ASCL3: variants seen among roughly 807,000 people sequenced by gnomAD.
The protein encoded by ASCL3 is achaete-scute homolog 3.
A neutral mutation model predicts 2.3 loss-of-function variants in ASCL3; 1 was observed. The observed-to-expected ratio is 0.44, with a 90% CI of 0.16 to 2.10. ASCL3 has a LOEUF of 2.10. Ranked by LOEUF, ASCL3 falls within the 30% of genes most tolerant of loss-of-function variation. The probability of loss-of-function intolerance (pLI) is 0.28; values close to 1 mark genes in which losing one functional copy is unlikely to be tolerated. For synonymous variants in ASCL3, 98 were observed against 88.5 expected (o/e 1.11, Z -0.60); for missense variants, 243 against 229.0 (o/e 1.06, Z -0.40).
At position 8,938,007 on chromosome 11, in the gene ASCL3, T is replaced by G. The variant is rs1025835100; in HGVS notation, c.155A>C (p.Glu52Ala). The change falls in exon 2 of 2, where the codon GAG becomes GCG. Residue 52 changes from glutamate (E) to alanine (A), a missense_variant. Glu to Ala is a moderately radical substitution (Grantham distance 107). Coordinates refer to ENST00000531618, the MANE Select transcript of ASCL3 (RefSeq NM_020646.3). ...EAPVSSPYSE[E>A]LPRLPFPSDS... ...GCTGGGAAAAGGCAGCCGTGGCAGC[T>G]CCTCAGAGTAAGGGGATGACACCGG... The G allele has an allele frequency of 3.1e-6, 5 of 1,613,732 alleles. No homozygotes were observed. In the African/African-American group the frequency reaches 6.7e-5, roughly 22 times the overall value.
Position 8,938,111 on chromosome 11 carries a change from G to A in ASCL3, c.51C>T (p.Phe17=), listed in dbSNP as rs753137271. ...NSSLPDKLPI[F]PDSARLPLTR... ...TCAGTGGCAAGCGGGCAGAATCAGGGAAGATAGGAAGTTTGTCAGGTAGAC... is the reference window on the plus strand; with the variant it reads ...TCAGTGGCAAGCGGGCAGAATCAGGAAAGATAGGAAGTTTGTCAGGTAGAC... Residue 17 remains phenylalanine (F), a synonymous_variant, in exon 2 of 2, where the codon TTC becomes TTT. Coordinates refer to ENST00000531618, the MANE Select transcript of ASCL3 (RefSeq NM_020646.3). 3 of 1,612,230 alleles carry A rather than the reference G, an allele frequency of 1.9e-6. No individual in the cohort carries two copies. The highest frequency in any genetic ancestry group is 1.7e-5 in the Admixed American group (1 of 59,840).
At position 8,938,006 on chromosome 11, in the gene ASCL3, C is replaced by T; in HGVS notation, c.156G>A (p.Glu52=). The T allele has an allele frequency of 6.2e-7, 1 of 1,613,838 alleles. No homozygotes were observed. The highest frequency in any genetic ancestry group is 8.5e-7 in the Non-Finnish European group (1 of 1,179,888). ...EAPVSSPYSE[E]LPRLPFPSDS... ...CGCTGGGAAAAGGCAGCCGTGGCAG[C>T]TCCTCAGAGTAAGGGGATGACACCG... Residue 52 remains glutamate, a synonymous_variant, in exon 2 of 2, where the codon GAG becomes GAA. Coordinates refer to ENST00000531618, the MANE Select transcript of ASCL3 (RefSeq NM_020646.3).
At chr11:8,942,792 T>C (rs1054483781) in intron 1 of ASCL3, among the ~76,000 whole-genome samples, 194 bp downstream of exon 1, 1 of 152,182 alleles carries the variant, frequency 6.6e-6, no homozygotes, top group Non-Finnish European at 1.5e-5. Flanking sequence ...TCAAAACTCC[T>C]TCTGCTCTTC....
Position 8,937,770 on chromosome 11 carries a change from T to G in ASCL3, c.392A>C (p.Lys131Thr). 1.2e-6 allele frequency: 2 copies of G among 1,614,102 alleles called. No homozygotes were observed. Among genetic ancestry groups the G allele is most frequent in the Non-Finnish European group, 1.7e-6 (2 of 1,179,982 alleles). The change falls in exon 2 of 2, where the codon AAA becomes ACA. Residue 131 changes from lysine (K) to threonine (T), a missense_variant. Coordinates refer to ENST00000531618, the MANE Select transcript of ASCL3 (RefSeq NM_020646.3). ...GATCGCAGCTCTGAGGGTTTCCACTTTGCTGAGTCGCTTCTCCAAATACTC... is the reference window on the plus strand; with the variant it reads ...GATCGCAGCTCTGAGGGTTTCCACTGTGCTGAGTCGCTTCTCCAAATACTC... ...PEEYLEKRLSKVETLRAAIKY... is the reference protein window; with the variant it reads ...PEEYLEKRLSTVETLRAAIKY...
At chr11:8,939,269 C>T (rs1246365412) in intron 1 of ASCL3, among the ~76,000 whole-genome samples, 2 of 151,862 alleles carry the variant, frequency 1.3e-5, no homozygotes, top group East Asian at 1.9e-4. Flanking sequence ...GACAGAGTCT[C>T]GCGTTGTTGC....
intron 1 of ASCL3, among the ~76,000 whole-genome samples, chr11:8,941,912 G>T (rs535479307): frequency 6.6e-6 from 1 of 152,208 alleles, no homozygotes; most frequent in African/African-American, 2.4e-5. Context: ...AATGGGTGTG[G>T]AGCCCGTATT....
In ASCL3 at chr11:8,937,797, T is replaced by C; in HGVS notation, c.365A>G (p.Glu122Gly). 6.2e-7 allele frequency: 1 copy of C among 1,614,104 alleles called. No individual in the cohort carries two copies. Among genetic ancestry groups the C allele is most frequent in the Non-Finnish European group, 8.5e-7 (1 of 1,179,998 alleles). ...GYAQLRHHLP[E>G]EYLEKRLSKV... ...GCTGAGTCGCTTCTCCAAATACTCCTCTGGCAGATGATGGCGGAGCTGGGC... is the reference window on the plus strand; with the variant it reads ...GCTGAGTCGCTTCTCCAAATACTCCCCTGGCAGATGATGGCGGAGCTGGGC... Residue 122 changes from glutamate (E) to glycine (G), a missense_variant, in exon 2 of 2, where the codon GAG (glutamate) becomes GGG (glycine). Coordinates refer to ENST00000531618, the MANE Select transcript of ASCL3 (RefSeq NM_020646.3).
intron 1 of ASCL3, among the ~76,000 whole-genome samples, chr11:8,938,827 C>T (rs1457633409): frequency 5.1e-5 from 7 of 138,050 alleles, no homozygotes. Context: ...TCCTTTGAGA[C>T]AGGGTGTGGC....
rs1853670414 is a variant in ASCL3, at chr11:8,940,187, C to A, written c.-12-2014G>T. ...ATGGGGTCTTGCCTTGATGCCCAGGCTGATTTTAAACCTCCTAGCTTCAAA... is the reference window on the plus strand; with the variant it reads ...ATGGGGTCTTGCCTTGATGCCCAGGATGATTTTAAACCTCCTAGCTTCAAA... On this transcript the variant is annotated intron_variant, in intron 1 of 1. Coordinates refer to ENST00000531618, the MANE Select transcript of ASCL3 (RefSeq NM_020646.3). Among the ~76,000 whole-genome samples, 4 of 149,374 alleles carry A rather than the reference C, an allele frequency of 2.7e-5. 1 individual carries two copies. In the East Asian group the frequency reaches 7.9e-4, roughly 30 times the overall value.
chr11:8,941,060 A>G lies in ASCL3; in HGVS notation c.-13+1926T>C, dbSNP rs117992620. On this transcript the variant is annotated intron_variant, in intron 1 of 1. Transcript: ENST00000531618. Reference sequence around the variant, plus strand: ...GCCTCTTTCCTTTCTTTAGAGATGAATGAATCCTTATGTAGCGTTCCTTTC... The same window carrying G: ...GCCTCTTTCCTTTCTTTAGAGATGAGTGAATCCTTATGTAGCGTTCCTTTC... Among the ~76,000 whole-genome samples, 93 of 152,248 alleles carry G rather than the reference A, an allele frequency of 6.1e-4. No homozygotes were observed. The South Asian group carries it at 0.011, about 18-fold the overall frequency.
rs756823614 is a variant in ASCL3, at chr11:8,937,618, A to T, written c.544T>A (p.Ter182ArgextTer6). The change falls in exon 2 of 2, where the codon TGA becomes AGA. Residue 182 changes from the stop codon to arginine (R), a stop_lost. Transcript: ENST00000531618. ...HHADPMFRIV[*>R] ...CATTTCTATTTGGAAACAGCAACTC[A>T]AACAATTCTGAACATAGGGTCAGCA... 16 of 1,602,788 alleles carry T rather than the reference A, an allele frequency of 1.0e-5. No homozygotes were observed. In the Middle Eastern group the frequency reaches 5.0e-4, roughly 50 times the overall value.
intron 1 of ASCL3, among the ~76,000 whole-genome samples, chr11:8,940,866 C>T (rs1277379958): frequency 6.6e-6 from 1 of 152,088 alleles, no homozygotes; most frequent in Non-Finnish European, 1.5e-5. Flanking sequence ...ATAAGTAATA[C>T]AGAGATGATT....
rs1481906107 is a variant in ASCL3, at chr11:8,937,779, C to T, written c.383G>A (p.Arg128Gln). ...HHLPEEYLEK[R>Q]LSKVETLRAA... ...TCTGAGGGTTTCCACTTTGCTGAGT[C>T]GCTTCTCCAAATACTCCTCTGGCAG... The change falls in exon 2 of 2, where the codon CGA becomes CAA. Residue 128 changes from arginine to glutamine, a missense_variant. Coordinates refer to ENST00000531618, the MANE Select transcript of ASCL3 (RefSeq NM_020646.3). The T allele has an allele frequency of 2.8e-5, 45 of 1,613,912 alleles. No homozygotes were observed. The highest frequency in any genetic ancestry group is 6.6e-5 in the South Asian group (6 of 91,074).
intron 1 of ASCL3, among the ~76,000 whole-genome samples, chr11:8,939,781 G>A (rs538667430): frequency 1.3e-5 from 2 of 152,190 alleles, no homozygotes; most frequent in South Asian, 2.1e-4. Flanking sequence ...AATACCTGAT[G>A]TGCTAGAGGC....
At chr11:8,938,273 G>T in intron 1 of ASCL3, 100 bp from the exon 2 acceptor site, 1 of 1,125,160 alleles carries the variant, frequency 8.9e-7, no homozygotes. Context: ...TTTTCGAGAT[G>T]GAGTCTGGCT....
At chr11:8,940,140 G>A (rs1295217549) in intron 1 of ASCL3, among the ~76,000 whole-genome samples, 1 of 134,584 alleles carries the variant, frequency 7.4e-6, no homozygotes, top group East Asian at 2.1e-4. Flanking sequence ...ACCATGCCTG[G>A]CTTTTTTTTT....
intron 1 of ASCL3, among the ~76,000 whole-genome samples, chr11:8,939,857 G>A (rs1310699751): frequency 6.6e-6 from 1 of 152,072 alleles, no homozygotes; most frequent in Non-Finnish European, 1.5e-5. Context: ...GACTCCTTTA[G>A]GTGAGAAACT....
At chr11:8,942,857 G>A (rs3763911) in intron 1 of ASCL3, among the ~76,000 whole-genome samples, 129 bp downstream of exon 1, 82,379 of 151,898 alleles carry the variant, frequency 0.54, 23,800 homozygotes, top group East Asian at 0.69. Context: ...GGGAATAATT[G>A]GTAGTTTGAA....
chr11:8,937,784 C>T lies in ASCL3; in HGVS notation c.378G>A (p.Glu126=). The T allele has an allele frequency of 6.2e-7, 1 of 1,614,086 alleles. No homozygotes were observed. Among genetic ancestry groups the T allele is most frequent in the South Asian group, 1.1e-5 (1 of 91,082 alleles). Residue 126 remains glutamate (E), a synonymous_variant, in exon 2 of 2, where the codon GAG becomes GAA. Transcript: ENST00000531618. ...GGGTTTCCACTTTGCTGAGTCGCTT[C>T]TCCAAATACTCCTCTGGCAGATGAT... ...LRHHLPEEYL[E]KRLSKVETLR... is the part of the protein sequence containing the mutation.
Sources: gnomAD v4.1 joint callset for allele counts (sites outside exome capture counted in the v4.1 genomes callset) on GRCh38, gnomAD v4.1.1 for gene constraint, MANE v1.5 for transcripts, NCBI Gene and HGNC (gene_info 2026-07-23, HGNC 2026-07-21) for gene names.